LRP1B: variants seen among roughly 807,000 people sequenced by gnomAD.
LRP1B encodes LDL receptor related protein 1B, also known as low-density lipoprotein receptor-related protein 1B.
In LRP1B, 217 loss-of-function variants were observed where a neutral mutation model predicts 556.6. That is an observed-to-expected ratio of 0.39 (90% confidence interval 0.35 to 0.44). The LOEUF is 0.44. Ranked by LOEUF, LRP1B falls within the 20% of genes least tolerant of loss-of-function variation. LRP1B has a pLI of 1.00. For missense variants in LRP1B, 5,053 were observed against 5,620.8 expected, an observed-to-expected ratio of 0.90 and a Z score of 3.23; for synonymous variants, 2,047 against 1,865.8, an observed-to-expected ratio of 1.10 and a Z score of -2.50.
In LRP1B at chr2:141,616,150, C is replaced by T. The variant is rs1007123261; in HGVS notation, c.206-135617G>A. Among the ~76,000 whole-genome samples the T allele has an allele frequency of 4.1e-4, 63 of 151,982 alleles. 1 individual carries two copies. The highest frequency in any genetic ancestry group is 1.4e-3 in the African/African-American group (58 of 41,462). The stretch of plus-strand genomic sequence containing the variant: ...TACAAACATTAGCTGGGTGTGGTGG[C>T]GTGTGCCTGTAGTCCTAGCTACTGG... On this transcript the variant is annotated intron_variant, in intron 2 of 90. Transcript: ENST00000389484.
At position 140,574,254 on chromosome 2, in the gene LRP1B, T is replaced by C. The variant is rs192429727; in HGVS notation, c.7194+24377A>G. 3.1e-3 allele frequency among the ~76,000 whole-genome samples: 472 copies of C among 152,270 alleles called. 2 individuals are homozygous for C. The highest frequency in any genetic ancestry group is 5.3e-3 in the Non-Finnish European group (361 of 67,968). On this transcript the variant is annotated intron_variant, in intron 43 of 90. Transcript: ENST00000389484. ...GTAACATTTCCCATGCATTTAAAAC[T>C]ATTTATTAAAAATTATAGTAAAGAT...
intron 80 of LRP1B, 75 bp from the exon 81 acceptor site, chr2:140,324,141 C>A (rs760125163): frequency 2.3e-6 from 2 of 885,758 alleles, no homozygotes; most frequent in South Asian, 1.9e-5. Context: ...TTATCCAAGA[C>A]GATATTGAAA....
chr2:140,984,957 ACT>A (rs947652103), intron 17 of LRP1B, among the ~76,000 whole-genome samples: 14 of 152,094 alleles, frequency 9.2e-5, no homozygotes, highest in African/African-American at 3.1e-4. Flanking sequence ...CTGAAAACAA[ACT>A]CACAACATTC....
intron 21 of LRP1B, among the ~76,000 whole-genome samples, chr2:140,911,456 A>T (rs912941697): frequency 3.8e-4 from 57 of 151,874 alleles, no homozygotes; most frequent in African/African-American, 1.3e-3. Context: ...AGCTTATTTT[A>T]AAAAAATGAT....
At chr2:140,687,063 G>T (rs1364726503) in intron 41 of LRP1B, among the ~76,000 whole-genome samples, 1 of 152,128 alleles carries the variant, frequency 6.6e-6, no homozygotes, top group East Asian at 1.9e-4. Flanking sequence ...GATGTAAACA[G>T]ATTTTGCTCA....
chr2:141,493,220 T>G (rs1158349670), intron 2 of LRP1B, among the ~76,000 whole-genome samples: 1 of 152,174 alleles, frequency 6.6e-6, no homozygotes, highest in Non-Finnish European at 1.5e-5. Context: ...CTTCAAAACC[T>G]GGTTTCTTTA....
At chr2:140,253,418 A>G (rs924335511) in intron 86 of LRP1B, among the ~76,000 whole-genome samples, 2 of 152,102 alleles carry the variant, frequency 1.3e-5, no homozygotes, top group African/African-American at 4.8e-5. Context: ...AATTAATAAA[A>G]TGGATTATTT....
intron 2 of LRP1B, among the ~76,000 whole-genome samples, chr2:141,716,064 G>A (rs1692572783): frequency 1.3e-5 from 2 of 152,068 alleles, no homozygotes; most frequent in Admixed American, 1.3e-4. Flanking sequence ...ATTATATATG[G>A]ACCCCTCAAC....
chr2:141,272,804 TCA>T (rs1685136128), intron 3 of LRP1B, among the ~76,000 whole-genome samples: 1 of 151,812 alleles, frequency 6.6e-6, no homozygotes, highest in African/African-American at 2.4e-5. Flanking sequence ...AAAAATAGAC[TCA>T]CAAAATATAT....
chr2:141,275,525 A>G, intron 3 of LRP1B, among the ~76,000 whole-genome samples: 1 of 152,096 alleles, frequency 6.6e-6, no homozygotes, highest in Admixed American at 6.6e-5. Context: ...CCTGGGCAAC[A>G]TGGCAAAACC....
intron 7 of LRP1B, among the ~76,000 whole-genome samples, chr2:141,173,411 C>G (rs1356320571): frequency 6.6e-6 from 1 of 152,032 alleles, no homozygotes; most frequent in Admixed American, 6.6e-5. Flanking sequence ...TTATTTCCCT[C>G]CACAACAAAA....
At chr2:141,131,030 G>A (rs971157414) in intron 7 of LRP1B, among the ~76,000 whole-genome samples, 1 of 152,034 alleles carries the variant, frequency 6.6e-6, no homozygotes, top group Non-Finnish European at 1.5e-5. Context: ...CCTAACACAT[G>A]TGGAACTTAA....
intron 1 of LRP1B, among the ~76,000 whole-genome samples, chr2:142,022,303 C>G (rs1256091145): frequency 2.0e-5 from 3 of 146,826 alleles, no homozygotes; most frequent in Admixed American, 2.0e-4. Context: ...CAGTGAAATA[C>G]TGTTTAATTA....
chr2:140,951,247 T>C (rs974081777), intron 19 of LRP1B, among the ~76,000 whole-genome samples: 3 of 152,158 alleles, frequency 2.0e-5, no homozygotes, highest in Non-Finnish European at 4.4e-5. Context: ...TATATATTTG[T>C]ACTTGGAAAC....
intron 1 of LRP1B, among the ~76,000 whole-genome samples, chr2:141,924,616 A>AAC (rs1174041669): frequency 6.6e-6 from 1 of 152,114 alleles, no homozygotes; most frequent in East Asian, 1.9e-4. Flanking sequence ...TGGAGCTCAA[A>AAC]ACACGCGCCC....
At chr2:141,284,557 A>G (rs1685634762) in intron 3 of LRP1B, among the ~76,000 whole-genome samples, 1 of 152,228 alleles carries the variant, frequency 6.6e-6, no homozygotes, top group Non-Finnish European at 1.5e-5. Context: ...TCCCACGCAC[A>G]AAGCGTAGTT....
chr2:142,030,136 G>A (rs1703636955), intron 1 of LRP1B, among the ~76,000 whole-genome samples: 1 of 151,666 alleles, frequency 6.6e-6, no homozygotes, highest in Non-Finnish European at 1.5e-5. Flanking sequence ...TTCTACATGT[G>A]TATATTTCTT....
At chr2:141,707,690 C>A (rs892949715) in intron 2 of LRP1B, among the ~76,000 whole-genome samples, 1 of 152,150 alleles carries the variant, frequency 6.6e-6, no homozygotes, top group Non-Finnish European at 1.5e-5. Context: ...TTATATCCTG[C>A]AGAGGCAGAA....
intron 20 of LRP1B, among the ~76,000 whole-genome samples, chr2:140,938,885 G>A (rs1299597162): frequency 6.6e-6 from 1 of 151,634 alleles, no homozygotes; most frequent in East Asian, 1.9e-4. Context: ...CTATTTATTG[G>A]GCAAAGAGGA....
Sources: gnomAD v4.1 joint callset for allele counts (sites outside exome capture counted in the v4.1 genomes callset) on GRCh38, gnomAD v4.1.1 for gene constraint, MANE v1.5 for transcripts, NCBI Gene and HGNC (gene_info 2026-07-23, HGNC 2026-07-21) for gene names.